IL1R1: variants seen among roughly 807,000 people sequenced by gnomAD.
IL1R1 encodes interleukin-1 receptor type 1.
IL1R1 carries 22 observed loss-of-function variants against 50.2 expected under a neutral mutation model. The ratio of observed to expected loss-of-function variants is 0.44; its 90% CI spans 0.31 to 0.63. IL1R1 has a LOEUF of 0.63. Ranked by LOEUF, IL1R1 falls within the 20% of genes least tolerant of loss-of-function variation. The probability of loss-of-function intolerance (pLI) is 0.07; values close to 1 mark genes in which losing one functional copy is unlikely to be tolerated. For synonymous variants in IL1R1, 251 were observed against 236.7 expected (o/e 1.06, Z -0.55); for missense variants, 509 against 676.2 (o/e 0.75, Z 2.74).
At chr2:102,148,063 C>T (rs1272153942) in intron 1 of IL1R1, among the ~76,000 whole-genome samples, 1 of 152,076 alleles carries the variant, frequency 6.6e-6, no homozygotes, top group Non-Finnish European at 1.5e-5. Flanking sequence ...GGAGTGTTTA[C>T]TCATAGTTTG....
At chr2:102,132,489 A>G (rs1345168449) in intron 1 of IL1R1, among the ~76,000 whole-genome samples, 1 of 152,144 alleles carries the variant, frequency 6.6e-6, no homozygotes, top group Non-Finnish European at 1.5e-5. Flanking sequence ...AAAAGAAGAA[A>G]ATTGTCAAAT....
intron 1 of IL1R1, among the ~76,000 whole-genome samples, chr2:102,135,307 C>T (rs1024580735): frequency 3.3e-5 from 5 of 152,162 alleles, no homozygotes; most frequent in African/African-American, 1.2e-4. Context: ...TTGTAGCTGA[C>T]TGCTTCTGAC....
intron 1 of IL1R1, among the ~76,000 whole-genome samples, chr2:102,109,051 A>C (rs1680595722): frequency 6.6e-6 from 1 of 152,004 alleles, no homozygotes; most frequent in Non-Finnish European, 1.5e-5. Context: ...CCGCTCATAT[A>C]AAATAATCAG....
At chr2:102,132,190 A>C (rs1682075303) in intron 1 of IL1R1, among the ~76,000 whole-genome samples, 1 of 151,836 alleles carries the variant, frequency 6.6e-6, no homozygotes, top group Non-Finnish European at 1.5e-5. Flanking sequence ...GTTAGAGGAA[A>C]TCCTTCAGAC....
chr2:102,135,945 T>C (rs890159981), intron 1 of IL1R1, among the ~76,000 whole-genome samples: 4 of 152,234 alleles, frequency 2.6e-5, no homozygotes, highest in Non-Finnish European at 5.9e-5. Context: ...AGCACAGATC[T>C]GGAGGAATAA....
chr2:102,147,740 C>T (rs748341047), intron 1 of IL1R1, among the ~76,000 whole-genome samples: 120 of 152,260 alleles, frequency 7.9e-4, no homozygotes, highest in Middle Eastern at 3.4e-3. Flanking sequence ...TGTCTCATTG[C>T]CACTTTTGCC....
At chr2:102,139,568 G>A (rs1029265620), upstream of IL1R1, among the ~76,000 whole-genome samples, 2 of 152,224 alleles carry the variant, frequency 1.3e-5, no homozygotes, top group African/African-American at 4.8e-5. Context: ...GGAGGTGGGG[G>A]CTGGTGGGAG....
chr2:102,169,383 T>C (rs543961484), intron 7 of IL1R1, among the ~76,000 whole-genome samples: 1 of 152,354 alleles, frequency 6.6e-6, no homozygotes, highest in South Asian at 2.1e-4. Flanking sequence ...GTCAATTGAT[T>C]CATTTAGTTA....
chr2:102,157,379 G>C (rs1284325803), intron 2 of IL1R1, among the ~76,000 whole-genome samples: 2 of 152,086 alleles, frequency 1.3e-5, no homozygotes, highest in Non-Finnish European at 2.9e-5. Flanking sequence ...TTAGGGGCGA[G>C]TGCATAGCTG....
At chr2:102,087,631 T>C (rs1577811268) in intron 1 of IL1R1, among the ~76,000 whole-genome samples, 1 of 152,164 alleles carries the variant, frequency 6.6e-6, no homozygotes, top group African/African-American at 2.4e-5. Context: ...TGAGGTTTGA[T>C]GGTTTAAAGG....
intron 1 of IL1R1, among the ~76,000 whole-genome samples, chr2:102,119,017 CA>C (rs56327525): frequency 0.027 from 2,000 of 74,446 alleles, 6 homozygotes; most frequent in African/African-American, 0.063. Flanking sequence ...GACTGTGTCT[CA>C]AAAAAAAAAA....
chr2:102,156,309 G>C (rs1684187320), intron 2 of IL1R1: 1 of 152,614 alleles, frequency 6.6e-6, no homozygotes, highest in East Asian at 1.9e-4. Flanking sequence ...TGTGAATAAA[G>C]GGTCAGAGTT....
chr2:102,173,153 G>T (rs1685836409), intron 9 of IL1R1, among the ~76,000 whole-genome samples: 1 of 152,130 alleles, frequency 6.6e-6, no homozygotes, highest in Non-Finnish European at 1.5e-5. Flanking sequence ...TGTGATGGTG[G>T]CAACCATTTA....
intron 8 of IL1R1, 42 bp from the exon 9 acceptor site, chr2:102,172,645 C>T: frequency 6.6e-7 from 1 of 1,517,824 alleles, no homozygotes; most frequent in Non-Finnish European, 9.0e-7. Context: ...GTAGTTGATG[C>T]AATTAACTTA....
In IL1R1 at chr2:102,166,136, C is replaced by A; in HGVS notation, c.510C>A (p.Asp170Glu). The change falls in exon 6 of 12, where the codon GAC (aspartate) becomes GAA (glutamate). Residue 170 changes from aspartate to glutamate, a missense_variant. Coordinates refer to ENST00000410023, the MANE Select transcript of IL1R1 (RefSeq NM_000877.4). ...WYKDCKPLLL[D>E]NIHFSGVKDR... ...AGGATTGCAAACCTCTACTTCTTGA[C>A]AATATACACTTTAGTGGAGTCAAAG... 6.2e-7 allele frequency: 1 copy of A among 1,613,328 alleles called. No individual in the cohort carries two copies.
chr2:102,074,032 C>T lies in IL1R1; in HGVS notation c.-84+3499C>T, dbSNP rs72994594. Among the ~76,000 whole-genome samples the T allele has an allele frequency of 6.0e-3, 917 of 152,250 alleles. 9 individuals are homozygous for T. The highest frequency in any genetic ancestry group is 0.02 in the African/African-American group (849 of 41,530). ...GTAGTGCCACTTCAAGTCCCATGTT[C>T]TTTTCATCTTGTGAGTGATGAGCAG... is the stretch of plus-strand genomic sequence containing the variant. On this transcript the variant is annotated intron_variant, in intron 1 of 11. Transcript: ENST00000409929.
At chr2:102,111,754 C>A (rs892428151) in intron 1 of IL1R1, among the ~76,000 whole-genome samples, 2 of 152,280 alleles carry the variant, frequency 1.3e-5, no homozygotes, top group African/African-American at 4.8e-5. Context: ...GCCCCAGGGG[C>A]CTGCTTGGTG....
chr2:102,143,696 C>G lies in IL1R1; in HGVS notation c.-84+676C>G, dbSNP rs998664203. 2.0e-5 allele frequency among the ~76,000 whole-genome samples: 3 copies of G among 152,196 alleles called. No individual in the cohort carries two copies. In the South Asian group the frequency reaches 6.2e-4, roughly 31 times the overall value. On this transcript the variant is annotated intron_variant, in intron 1 of 11. Coordinates refer to ENST00000410023, the MANE Select transcript of IL1R1 (RefSeq NM_000877.4). ...GGTAAGACCTCTGCATGCAGCCCCC[C>G]TCTGTCTTCCCTCCCACTCGTCCTG...
intron 1 of IL1R1, among the ~76,000 whole-genome samples, chr2:102,087,496 G>A (rs914023298): frequency 2.0e-5 from 3 of 152,150 alleles, no homozygotes; most frequent in African/African-American, 7.2e-5. Flanking sequence ...TTTTGATATG[G>A]TTTGGCTCTG....
Sources: gnomAD v4.1 joint callset for allele counts (sites outside exome capture counted in the v4.1 genomes callset) on GRCh38, gnomAD v4.1.1 for gene constraint, MANE v1.5 for transcripts, NCBI Gene and HGNC (gene_info 2026-07-23, HGNC 2026-07-21) for gene names.